The following PRH1 variants were observed in gnomAD, a reference collection of about 807,000 sequenced individuals.
PRH1 encodes the protein proline rich protein HaeIII subfamily 1, also known as salivary acidic proline-rich phosphoprotein 1/2.
A neutral mutation model predicts 7.9 loss-of-function variants in PRH1; 7 were observed. That is an observed-to-expected ratio of 0.89 (90% CI 0.50 to 1.67). PRH1 has a LOEUF of 1.67. PRH1 is among the 40% of genes most tolerant of loss of function. PRH1 has a pLI of 0.00. For synonymous variants in PRH1, 45 were observed against 80.8 expected (o/e 0.56, Z 2.38); for missense variants, 109 against 223.6 (o/e 0.49, Z 3.27).
intron 1 of PRH1, among the ~76,000 whole-genome samples, chr12:11,145,760 AACT>A (rs1946842182): frequency 1.7e-5 from 2 of 116,388 alleles, no homozygotes; most frequent in Admixed American, 8.6e-5. Flanking sequence ...AAAAATTAAG[AACT>A]TTTTTTTTGT....
chr12:11,167,442 G>A (rs1278566255), intron 1 of PRH1, among the ~76,000 whole-genome samples: 1 of 146,440 alleles, frequency 6.8e-6, no homozygotes, highest in African/African-American at 2.5e-5. Flanking sequence ...GGAAAGGCTT[G>A]TAATTTTTTT....
At chr12:11,166,315 C>T (rs1038493575) in intron 1 of PRH1, 9 of 152,382 alleles carry the variant, frequency 5.9e-5, no homozygotes, top group East Asian at 1.9e-4. Flanking sequence ...GGGTTTTCTG[C>T]CTTCCTTCAC....
chr12:11,022,227 G>T, intron 1 of PRH1: 1 of 1,559,436 alleles, frequency 6.4e-7, no homozygotes, highest in Middle Eastern at 1.7e-4. Flanking sequence ...GAGAAATAAG[G>T]TTGGAGAAAT....
At chr12:11,028,150 G>A (rs1314160737) in intron 1 of PRH1, among the ~76,000 whole-genome samples, 3 of 152,228 alleles carry the variant, frequency 2.0e-5, no homozygotes, top group East Asian at 3.9e-4. Flanking sequence ...CTGTGGGCAT[G>A]AGGTCTGACT....
At chr12:11,129,475 A>T (rs1297486230) in intron 1 of PRH1, among the ~76,000 whole-genome samples, 1 of 152,292 alleles carries the variant, frequency 6.6e-6, no homozygotes, top group East Asian at 1.9e-4. Context: ...AAGGAATGGA[A>T]CTGGTCACTG....
chr12:10,888,575 CTT>C (rs1266559579), upstream of PRH1, among the ~76,000 whole-genome samples: 3 of 152,326 alleles, frequency 2.0e-5, no homozygotes, highest in Non-Finnish European at 2.9e-5. Flanking sequence ...ACCATTGACA[CTT>C]AATGCATTTT....
chr12:11,038,818 T>C (rs1358807021), intron 1 of PRH1, among the ~76,000 whole-genome samples: 2 of 136,494 alleles, frequency 1.5e-5, no homozygotes, highest in East Asian at 5.0e-4. Context: ...CTTAATCAGA[T>C]AATGCCATAC....
chr12:11,144,438 T>C (rs781092207), intron 1 of PRH1, among the ~76,000 whole-genome samples: 7 of 152,092 alleles, frequency 4.6e-5, no homozygotes, highest in Non-Finnish European at 8.8e-5. Context: ...ACTCCCACCA[T>C]GCCCCTCCCA....
chr12:11,126,260 T>C (rs1946124984), intron 1 of PRH1, among the ~76,000 whole-genome samples: 2 of 152,226 alleles, frequency 1.3e-5, no homozygotes, highest in African/African-American at 2.4e-5. Flanking sequence ...GTTACAATAA[T>C]CACTCTTGGG....
intron 1 of PRH1, among the ~76,000 whole-genome samples, chr12:11,151,939 A>T (rs943191678): frequency 9.3e-4 from 140 of 150,382 alleles, no homozygotes; most frequent in African/African-American, 3.2e-3. Context: ...GGTATGTCAT[A>T]TTTTTTTTTT....
At chr12:11,123,286 A>G (rs2136330102) in intron 1 of PRH1, among the ~76,000 whole-genome samples, 1 of 152,384 alleles carries the variant, frequency 6.6e-6, no homozygotes, top group Non-Finnish European at 1.5e-5. Flanking sequence ...TAATGCTACA[A>G]TGAACATTCT....
chr12:11,037,178 C>G (rs1281895926), intron 1 of PRH1, among the ~76,000 whole-genome samples: 1 of 152,102 alleles, frequency 6.6e-6, no homozygotes, highest in Admixed American at 6.5e-5. Flanking sequence ...GACAAATAGT[C>G]TATGCAATAA....
downstream of PRH1, among the ~76,000 whole-genome samples, chr12:11,117,360 A>C (rs1486728259): frequency 6.6e-6 from 1 of 152,114 alleles, no homozygotes; most frequent in South Asian, 2.1e-4. Context: ...TCAGCCAAAG[A>C]GATGAAATAG....
At chr12:10,956,327 A>G (rs982526650) in intron 2 of PRH1, among the ~76,000 whole-genome samples, 1 of 152,222 alleles carries the variant, frequency 6.6e-6, no homozygotes, top group African/African-American at 2.4e-5. Context: ...AAACCACATT[A>G]CTATCTCAAT....
Position 11,077,227 on chromosome 12 carries a change from A to G in PRH1, n.124-30039T>C, listed in dbSNP as rs1332166975. 5.5e-5 allele frequency: 8 copies of G among 144,492 alleles called. No individual in the cohort carries two copies. In the South Asian group the frequency reaches 9.4e-4, roughly 17 times the overall value. The allele number at this position is 144,492 out of a possible 1,614,324, so 9.0% of individuals were successfully genotyped here. ...CTGAAATTACTCAAATACATACACT[A>G]TGGAAAAACTGATAGAAATATAAAA... is the stretch of plus-strand genomic sequence containing the variant. On this transcript the variant is annotated intron_variant and non_coding_transcript_variant, in intron 1 of 4. Coordinates refer to the PRH1 transcript ENST00000541977.
intron 2 of PRH1, among the ~76,000 whole-genome samples, chr12:10,950,168 T>TCG (rs1269261830): frequency 6.6e-6 from 1 of 152,104 alleles, no homozygotes; most frequent in African/African-American, 2.4e-5. Flanking sequence ...TGATGGACAT[T>TCG]TGGGAGACTT....
intron 1 of PRH1, among the ~76,000 whole-genome samples, chr12:11,170,799 TAATA>T (rs1159712422): frequency 1.3e-5 from 2 of 152,246 alleles, no homozygotes; most frequent in African/African-American, 4.8e-5. Context: ...TAAATATTCC[TAATA>T]AATAGAAAAA....
At chr12:11,030,415 T>G (rs1942134136) in intron 1 of PRH1, 1 of 1,613,698 alleles carries the variant, frequency 6.2e-7, no homozygotes, top group Non-Finnish European at 8.5e-7. Flanking sequence ...TCTATGGAGA[T>G]GAAGGCTTCT....
intron 1 of PRH1, chr12:11,159,664 C>T (rs900736045): frequency 6.6e-6 from 1 of 152,040 alleles, no homozygotes; most frequent in Non-Finnish European, 1.5e-5. Flanking sequence ...GTTGCCACCA[C>T]CAGAAAGAAA....
Sources: allele counts gnomAD v4.1 joint callset (sites outside exome capture counted in the v4.1 genomes callset), GRCh38; gene constraint gnomAD v4.1.1; transcripts MANE v1.5; gene names NCBI Gene and HGNC (gene_info 2026-07-23, HGNC 2026-07-21).